Variants in TAB1 observed in about 807,000 individuals in gnomAD.
TAB1 encodes TGF-beta activated kinase 1 (MAP3K7) binding protein 1.
A neutral mutation model predicts 54.5 loss-of-function variants in TAB1; 30 were observed. That is an observed-to-expected ratio of 0.55 (90% confidence interval 0.41 to 0.75). TAB1 has a LOEUF of 0.75. TAB1 is among the 30% of genes least tolerant of loss of function. TAB1 has a pLI of 0.00. For missense variants in TAB1, 609 were observed against 683.2 expected, an observed-to-expected ratio of 0.89 and a Z score of 1.21; for synonymous variants, 289 against 286.9, an observed-to-expected ratio of 1.01 and a Z score of -0.07.
intron 7 of TAB1, among the ~76,000 whole-genome samples, chr22:39,421,318 A>G (rs1927080128): frequency 6.6e-6 from 1 of 152,080 alleles, no homozygotes; most frequent in Admixed American, 6.5e-5. Flanking sequence ...GCTCTTCTGG[A>G]TGGTGTTGCC....
At chr22:39,406,340 A>G (rs1926361891) in intron 1 of TAB1, among the ~76,000 whole-genome samples, 1 of 148,484 alleles carries the variant, frequency 6.7e-6, no homozygotes, top group Admixed American at 6.8e-5. Context: ...CAGAGCTTGC[A>G]GTGAGCCAAG....
At chr22:39,434,554 G>A (rs759927652), downstream of TAB1, among the ~76,000 whole-genome samples, 12 of 152,252 alleles carry the variant, frequency 7.9e-5, no homozygotes, top group Non-Finnish European at 1.6e-4. Flanking sequence ...CTGTTCCCAC[G>A]CGGAGGTGAT....
At chr22:39,418,588 ACT>A (rs1926937731) in intron 5 of TAB1, 142 bp from the exon 6 acceptor site, 2 of 634,158 alleles carry the variant, frequency 3.2e-6, no homozygotes, top group Admixed American at 2.3e-5. Flanking sequence ...CTAACTGGTG[ACT>A]CACCCCGTTG....
Position 39,430,324 on chromosome 22 carries a change from C to T in TAB1, c.*102C>T. On this transcript the variant is annotated 3_prime_UTR_variant, in exon 11 of 11. Transcript: ENST00000216160. ...GTGCCACAACGGCCAGCAGGTGCCC[C>T]ATCCTCTGCCCACAGCAGACTCTGT... 6.4e-7 allele frequency: 1 copy of T among 1,553,092 alleles called. No homozygotes were observed. Among genetic ancestry groups the T allele is most frequent in the East Asian group, 2.3e-5 (1 of 43,460 alleles).
intron 8 of TAB1, among the ~76,000 whole-genome samples, chr22:39,423,460 C>A (rs1417069486): frequency 6.6e-6 from 1 of 152,094 alleles, no homozygotes; most frequent in Non-Finnish European, 1.5e-5. Context: ...CAAAAATTAG[C>A]CGGGTGTGGT....
intron 7 of TAB1, among the ~76,000 whole-genome samples, chr22:39,420,069 G>T (rs1355742401): frequency 6.6e-6 from 1 of 152,220 alleles, no homozygotes; most frequent in Non-Finnish European, 1.5e-5. Flanking sequence ...GGTCGGTGCT[G>T]CCCATGGCTG....
At chr22:39,429,627 G>A (rs770045967) in intron 10 of TAB1, among the ~76,000 whole-genome samples, 9 of 152,114 alleles carry the variant, frequency 5.9e-5, no homozygotes, top group South Asian at 2.1e-4. Flanking sequence ...ACAGGCACAC[G>A]CCACCATGCC....
chr22:39,426,913 A>G lies in TAB1; in HGVS notation c.1132A>G (p.Ser378Gly). Residue 378 changes from serine to glycine, a missense_variant, in exon 9 of 11, where the codon AGC becomes GGC. Physicochemically the swap from Ser to Gly is moderately conservative, Grantham distance 56. Coordinates refer to ENST00000216160, the MANE Select transcript of TAB1 (RefSeq NM_006116.3). ...GGGCGAAATGAGCCAGCCCACACCG[A>G]GCCCAGCCCCAGGTACGTGTGCTGT... ...PLGEMSQPTPSPAPAAGGRVY... is the reference protein window; with the variant it reads ...PLGEMSQPTPGPAPAAGGRVY... 1 of 1,611,698 alleles carries G rather than the reference A, an allele frequency of 6.2e-7. No individual in the cohort carries two copies. Among genetic ancestry groups the G allele is most frequent in the South Asian group, 1.1e-5 (1 of 91,074 alleles).
At chr22:39,429,561 T>G (rs1411667035) in intron 10 of TAB1, among the ~76,000 whole-genome samples, 2 of 152,202 alleles carry the variant, frequency 1.3e-5, no homozygotes, top group Admixed American at 6.5e-5. Context: ...CACTGCAACC[T>G]CTGCCTCCCA....
intron 1 of TAB1, among the ~76,000 whole-genome samples, chr22:39,402,761 A>G (rs1355420174): frequency 1.7e-4 from 26 of 152,188 alleles, no homozygotes; most frequent in Non-Finnish European, 7.4e-5. Flanking sequence ...CACGTTGCCT[A>G]GGCTGGTCAT....
chr22:39,436,887 C>T (rs1044951255), downstream of TAB1: 23 of 341,494 alleles, frequency 6.7e-5, no homozygotes, highest in Non-Finnish European at 1.1e-4. Flanking sequence ...GGTTAGGACC[C>T]ATGTTCTCTA....
chr22:39,434,905 C>T (rs1398832207), downstream of TAB1, among the ~76,000 whole-genome samples: 2 of 152,240 alleles, frequency 1.3e-5, no homozygotes, highest in Non-Finnish European at 2.9e-5. Context: ...GTGCTGACAT[C>T]AGAACCTTCC....
intron 1 of TAB1, among the ~76,000 whole-genome samples, chr22:39,412,066 C>T (rs564910667): frequency 2.0e-5 from 3 of 152,306 alleles, no homozygotes; most frequent in African/African-American, 7.2e-5. Flanking sequence ...GAGACAGAGT[C>T]TCACTCCGTC....
rs757072504 is a variant in TAB1 at position 39,419,670 on chromosome 22, AG to A, written c.776+41del. 3.4e-6 allele frequency: 5 copies of A among 1,473,718 alleles called. No homozygotes were observed. In the South Asian group the frequency reaches 5.9e-5, roughly 17 times the overall value. 91.3% of individuals were successfully genotyped at this position (1,473,718 alleles called of 1,614,324 possible). A position where few individuals can be genotyped will look rare whatever the true frequency, so the allele number is the denominator to read the frequency against. ...AGCTGTCCCCTGTGCTTGAAAGAAC[AG>A]AAGGTCCTAGGGAGGCCAAGATGGG... is the stretch of plus-strand genomic sequence containing the variant. On this transcript the variant is annotated intron_variant, in intron 7 of 10. Transcript: ENST00000216160.
At chr22:39,414,943 G>A in intron 1 of TAB1, 63 bp from the exon 2 acceptor site, 1 of 1,602,932 alleles carries the variant, frequency 6.2e-7, no homozygotes, top group South Asian at 1.1e-5. Flanking sequence ...GAAGGAATAG[G>A]TGAAGTGGGG....
intron 5 of TAB1, among the ~76,000 whole-genome samples, chr22:39,418,239 A>G (rs1926924241): frequency 6.6e-6 from 1 of 152,188 alleles, no homozygotes; most frequent in African/African-American, 2.4e-5. Flanking sequence ...AAGACCAGAC[A>G]GGTGCAGGTT....
intron 1 of TAB1, among the ~76,000 whole-genome samples, chr22:39,406,725 C>T (rs1051229315): frequency 1.3e-5 from 2 of 152,088 alleles, no homozygotes; most frequent in African/African-American, 4.8e-5. Context: ...CTCTGCCTCC[C>T]GGGTTCACAC....
At chr22:39,421,759 T>C (rs1927100221) in intron 7 of TAB1, 68 bp from the exon 8 acceptor site, 1 of 1,546,742 alleles carries the variant, frequency 6.5e-7, no homozygotes, top group Non-Finnish European at 8.9e-7. Context: ...ATTCCTCCCC[T>C]CAGCAGAATC....
Position 39,431,305 on chromosome 22 carries a change from G to C in TAB1, c.*1083G>C, listed in dbSNP as rs535402506. On this transcript the variant is annotated 3_prime_UTR_variant, in exon 11 of 11. Coordinates refer to ENST00000216160, the MANE Select transcript of TAB1 (RefSeq NM_006116.3). ...CTTCAGTGGGGAGGGGGTGCCACCA[G>C]GGCTGTCGGCCAGGATTGCCACTCC... The C allele has an allele frequency of 3.3e-4, 326 of 985,594 alleles. 2 individuals are homozygous for C. The South Asian group carries it at 0.012, about 35-fold the overall frequency. 61.1% of individuals were successfully genotyped at this position (985,594 alleles called of 1,614,324 possible).
Sources: allele counts gnomAD v4.1 joint callset (sites outside exome capture counted in the v4.1 genomes callset), GRCh38; gene constraint gnomAD v4.1.1; transcripts MANE v1.5; gene names NCBI Gene and HGNC (gene_info 2026-07-23, HGNC 2026-07-21).